Variants in ZNF599 observed in about 807,000 individuals in gnomAD.
ZNF599 encodes the protein zinc finger protein 599.
In ZNF599, 10 loss-of-function variants were observed where a neutral mutation model predicts 11.7. The observed-to-expected ratio is 0.86, with a 90% confidence interval of 0.53 to 1.45. The LOEUF is 1.45. Among genes scored for constraint, ZNF599 ranks in the 40% most tolerant of loss-of-function variants. The pLI, the probability that ZNF599 is intolerant of heterozygous loss-of-function variation, is 0.00. For synonymous variants in ZNF599, 232 were observed against 253.2 expected, an observed-to-expected ratio of 0.92 and a Z score of 0.79; for missense variants, 688 against 713.6, an observed-to-expected ratio of 0.96 and a Z score of 0.41.
the ZNF599 span, among the ~76,000 whole-genome samples, chr19:34,792,529 A>G: frequency 6.6e-6 from 1 of 152,168 alleles, no homozygotes; most frequent in Non-Finnish European, 1.5e-5. Context: ...ATCTGTATAA[A>G]CCAAGGAACA....
the ZNF599 span, among the ~76,000 whole-genome samples, chr19:34,806,444 A>G: frequency 6.6e-6 from 1 of 152,206 alleles, no homozygotes; most frequent in Non-Finnish European, 1.5e-5. Flanking sequence ...ACAACCCTGC[A>G]TGGCTCCAAG....
chr19:34,780,742 AAGCC>A, the ZNF599 span, among the ~76,000 whole-genome samples: 1 of 151,094 alleles, frequency 6.6e-6, no homozygotes, highest in Admixed American at 6.6e-5. Flanking sequence ...AAGAGAAAGA[AAGCC>A]AGAAAGAAAG....
At chr19:34,806,695 A>G in the ZNF599 span, among the ~76,000 whole-genome samples, 1 of 152,120 alleles carries the variant, frequency 6.6e-6, no homozygotes, top group Non-Finnish European at 1.5e-5. Context: ...ACACCTCCAG[A>G]TCATGCTAAC....
chr19:34,782,878 A>T, the ZNF599 span, among the ~76,000 whole-genome samples: 1 of 152,156 alleles, frequency 6.6e-6, no homozygotes, highest in Non-Finnish European at 1.5e-5. Context: ...CCCTGCCATG[A>T]TGGAGGCTAT....
upstream of ZNF599, among the ~76,000 whole-genome samples, chr19:34,774,143 T>C (rs2069204890): frequency 6.6e-6 from 1 of 152,178 alleles, no homozygotes; most frequent in Admixed American, 6.5e-5. Flanking sequence ...GATACTTTCT[T>C]ACATGATTCA....
At chr19:34,783,812 C>T in the ZNF599 span, among the ~76,000 whole-genome samples, 19,535 of 152,108 alleles carry the variant, frequency 0.13, 1,318 homozygotes, top group Middle Eastern at 0.2. Flanking sequence ...CAGTCATTAA[C>T]TTCCTTCCCA....
chr19:34,793,313 C>T, the ZNF599 span, among the ~76,000 whole-genome samples: 2 of 152,052 alleles, frequency 1.3e-5, no homozygotes, highest in African/African-American at 4.8e-5. Context: ...GGGGAAAAGC[C>T]CACACTTCAC....
At chr19:34,793,837 G>A in the ZNF599 span, among the ~76,000 whole-genome samples, 24 of 152,214 alleles carry the variant, frequency 1.6e-4, no homozygotes, top group Non-Finnish European at 3.1e-4. Context: ...TGCTAAATAA[G>A]AGGTGGGTTA....
Position 34,773,213 on chromosome 19 carries a change from C to T in ZNF599, c.-372G>A, listed in dbSNP as rs2069197945. On this transcript the variant is annotated 5_prime_UTR_variant, in exon 1 of 4. Coordinates refer to ENST00000329285, the MANE Select transcript of ZNF599 (RefSeq NM_001007248.3). The stretch of plus-strand genomic sequence containing the variant: ...CCTAACGGCGGACGAAGACTGGACG[C>T]CGGAAGTCCCGCCCACGCCGCTACG... 2 of 258,784 alleles carry T rather than the reference C, an allele frequency of 7.7e-6. No homozygotes were observed. The highest frequency in any genetic ancestry group is 1.5e-4 in the South Asian group (1 of 6,824). 16.0% of individuals were successfully genotyped at this position (258,784 alleles called of 1,614,324 possible).
chr19:34,762,362 C>T (rs1381518806), intron 3 of ZNF599, among the ~76,000 whole-genome samples: 2 of 152,086 alleles, frequency 1.3e-5, no homozygotes, highest in East Asian at 3.8e-4. Flanking sequence ...GGAAGTTGTT[C>T]TATGAAATCA....
At chr19:34,799,542 G>A in the ZNF599 span, among the ~76,000 whole-genome samples, 5 of 152,304 alleles carry the variant, frequency 3.3e-5, no homozygotes, top group Non-Finnish European at 4.4e-5. Flanking sequence ...CCATATGAAA[G>A]TTTTTGTGTG....
chr19:34,769,317 C>T, intron 2 of ZNF599, 112 bp downstream of exon 2: 2 of 1,441,708 alleles, frequency 1.4e-6, no homozygotes, highest in Non-Finnish European at 1.9e-6. Flanking sequence ...CGTGCTGAGG[C>T]TGCAGGGATC....
rs1439322587 is a variant in ZNF599, at chr19:34,760,337, T to C, written c.464A>G (p.Asp155Gly). The C allele has an allele frequency of 1.2e-6, 2 of 1,614,036 alleles. No homozygotes were observed. The highest frequency in any genetic ancestry group is 1.7e-6 in the Non-Finnish European group (2 of 1,180,016). ...CAGACTATCATCTGGCTCCAAATCA[T>C]CATGTTTATAACTCAACTTCTCAGG... is the stretch of plus-strand genomic sequence containing the variant. ...ICPEKLSYKHDDLEPDDSLGL... is the reference protein window; with the variant it reads ...ICPEKLSYKHGDLEPDDSLGL... Residue 155 changes from aspartate (D) to glycine (G), a missense_variant, in exon 4 of 4, where the codon GAT becomes GGT. Coordinates refer to ENST00000329285, the MANE Select transcript of ZNF599 (RefSeq NM_001007248.3).
the ZNF599 span, among the ~76,000 whole-genome samples, chr19:34,806,890 C>A: frequency 3.3e-5 from 5 of 152,200 alleles, no homozygotes; most frequent in East Asian, 9.6e-4. Context: ...CCTCCTGCCT[C>A]CTTGACTCTT....
chr19:34,784,214 G>C, the ZNF599 span, among the ~76,000 whole-genome samples: 1 of 152,076 alleles, frequency 6.6e-6, no homozygotes, highest in Non-Finnish European at 1.5e-5. Flanking sequence ...TTGGCTTGTG[G>C]ATACACCCCT....
the ZNF599 span, among the ~76,000 whole-genome samples, chr19:34,807,364 A>T: frequency 2.6e-5 from 4 of 152,160 alleles, no homozygotes; most frequent in African/African-American, 9.7e-5. Context: ...GGCTCCAGAA[A>T]CTGCGGTGAC....
chr19:34,765,537 G>A, intron 3 of ZNF599: 1 of 702,540 alleles, frequency 1.4e-6, no homozygotes, highest in South Asian at 1.5e-5. Context: ...CATATTAATA[G>A]TAGATGGCTA....
In ZNF599 at chr19:34,759,153, A is replaced by C; in HGVS notation, c.1648T>G (p.Leu550Val). ...GTGTGAGTTCTCATGTGCTGAGTTA[A>C]AGCAAAGTTGTCACAGAAGGCTTTC... ...CEKAFCDNFA[L>V]TQHMRTHTGE... The change falls in exon 4 of 4, where the codon TTA becomes GTA. Residue 550 changes from leucine to valine, a missense_variant. Coordinates refer to ENST00000329285, the MANE Select transcript of ZNF599 (RefSeq NM_001007248.3). The C allele has an allele frequency of 6.2e-7, 1 of 1,614,226 alleles. No individual in the cohort carries two copies. Among genetic ancestry groups the C allele is most frequent in the Non-Finnish European group, 8.5e-7 (1 of 1,180,026 alleles).
At chr19:34,762,384 C>T (rs1160354206) in intron 3 of ZNF599, among the ~76,000 whole-genome samples, 1 of 152,022 alleles carries the variant, frequency 6.6e-6, no homozygotes, top group Non-Finnish European at 1.5e-5. Flanking sequence ...TCAGATAAGG[C>T]AAGGGAAGTG....
Sources: allele counts gnomAD v4.1 joint callset (sites outside exome capture counted in the v4.1 genomes callset), GRCh38; gene constraint gnomAD v4.1.1; transcripts MANE v1.5; gene names NCBI Gene and HGNC (gene_info 2026-07-23, HGNC 2026-07-21).